STIM2: variants seen among roughly 807,000 people sequenced by gnomAD.
The protein encoded by STIM2 is stromal interaction molecule 2.
STIM2 carries 31 observed loss-of-function variants against 85.8 expected under a neutral mutation model. That is an observed-to-expected ratio of 0.36 (90% confidence interval 0.27 to 0.49). The LOEUF (loss-of-function observed/expected upper bound fraction) is 0.49, where lower values mean the gene tolerates loss of function less well. Among genes scored for constraint, STIM2 ranks in the 20% least tolerant of loss-of-function variants. The pLI is 0.98. For synonymous variants in STIM2, 356 were observed against 331.1 expected, an observed-to-expected ratio of 1.08 and a Z score of -0.82; for missense variants, 841 against 927.6, an observed-to-expected ratio of 0.91 and a Z score of 1.21.
intron 3 of STIM2, among the ~76,000 whole-genome samples, chr4:26,981,858 A>G (rs1269975861): frequency 1.3e-5 from 2 of 152,166 alleles, no homozygotes; most frequent in Non-Finnish European, 2.9e-5. Context: ...GGCACTTGGT[A>G]TCATTTGCCT....
At chr4:26,908,950 A>T (rs1447468948) in intron 1 of STIM2, among the ~76,000 whole-genome samples, 1 of 152,242 alleles carries the variant, frequency 6.6e-6, no homozygotes, top group African/African-American at 2.4e-5. Context: ...ATGTTGGCTC[A>T]TGCCTGTAAT....
At chr4:26,994,783 C>A (rs548283443) in intron 3 of STIM2, among the ~76,000 whole-genome samples, 1 of 152,044 alleles carries the variant, frequency 6.6e-6, no homozygotes, top group Non-Finnish European at 1.5e-5. Flanking sequence ...CCCATGTCTT[C>A]ACAATGGGAC....
chr4:26,861,380 G>C lies in STIM2; in HGVS notation c.151+11G>C. 1 of 1,286,448 alleles carries C rather than the reference G, an allele frequency of 7.8e-7. No homozygotes were observed. The highest frequency in any genetic ancestry group is 9.8e-7 in the Non-Finnish European group (1 of 1,020,962). The allele number at this position is 1,286,448 out of a possible 1,614,324, so 79.7% of individuals were successfully genotyped here. A position where few individuals can be genotyped will look rare whatever the true frequency, so the allele number is the denominator to read the frequency against. On this transcript the variant is annotated intron_variant, in intron 1 of 11. Transcript: ENST00000467087. ...CGGCGCTCATGACAGGTGAGGGGCC[G>C]GGGGGCGGCGGGCGGGGCTCGGCCG...
At chr4:26,950,555 C>T (rs1199963593) in intron 2 of STIM2, among the ~76,000 whole-genome samples, 1 of 152,074 alleles carries the variant, frequency 6.6e-6, no homozygotes, top group Non-Finnish European at 1.5e-5. Flanking sequence ...GGAGTGGGTG[C>T]TCTTTTATGC....
rs375630420 is a variant in STIM2 at position 27,007,619 on chromosome 4, G to A, written c.1068G>A (p.Gln356=). 1.9e-6 allele frequency: 3 copies of A among 1,608,008 alleles called. No individual in the cohort carries two copies. Among genetic ancestry groups the A allele is most frequent in the Non-Finnish European group, 2.5e-6 (3 of 1,178,074 alleles). ...CAGATGCACTTCAGAAATGGCTTCA[G>A]TTAACACATGAAGTAGAAGTGCAAT... Residue 356 remains glutamine, a synonymous_variant, in exon 8 of 12, where the codon CAG becomes CAA. Coordinates refer to ENST00000467087, the MANE Select transcript of STIM2 (RefSeq NM_020860.4).
At chr4:27,002,811 C>T in intron 6 of STIM2, 116 bp from the exon 7 acceptor site, 1 of 977,166 alleles carries the variant, frequency 1.0e-6, no homozygotes, top group Non-Finnish European at 1.4e-6. Context: ...ATGAAAAATG[C>T]TATGATTTCT....
intron 2 of STIM2, among the ~76,000 whole-genome samples, chr4:26,943,573 G>C (rs1371523047): frequency 6.6e-6 from 1 of 152,096 alleles, no homozygotes; most frequent in African/African-American, 2.4e-5. Flanking sequence ...TCTGGCCCCA[G>C]AGTTCTGCTT....
At chr4:27,000,885 T>C (rs1728128959) in intron 5 of STIM2, among the ~76,000 whole-genome samples, 1 of 152,180 alleles carries the variant, frequency 6.6e-6, no homozygotes, top group Non-Finnish European at 1.5e-5. Flanking sequence ...TATCTATTTA[T>C]TGTTATTTAT....
chr4:26,990,024 A>G (rs1376523977), intron 3 of STIM2, among the ~76,000 whole-genome samples: 1 of 152,166 alleles, frequency 6.6e-6, no homozygotes, highest in Non-Finnish European at 1.5e-5. Context: ...AAATGTCTTT[A>G]CTACCTAAAG....
At chr4:26,869,559 C>T (rs1310264850) in intron 1 of STIM2, among the ~76,000 whole-genome samples, 1 of 151,940 alleles carries the variant, frequency 6.6e-6, no homozygotes, top group African/African-American at 2.4e-5. Flanking sequence ...GATGTGGTCT[C>T]ACTCTGTTGC....
In STIM2 at chr4:27,025,256, G is replaced by T. The variant is rs923295979; in HGVS notation, c.*2260G>T. ...GTTTTGGAAAGCTACAGTAATTTCT[G>T]TATTACATCATTTATATGTGAAAAG... On this transcript the variant is annotated 3_prime_UTR_variant, in exon 12 of 12. Transcript: ENST00000467087. The T allele has an allele frequency of 2.0e-5, 3 of 151,756 alleles. No homozygotes were observed. The highest frequency in any genetic ancestry group is 7.3e-5 in the African/African-American group (3 of 41,284). The allele number at this position is 151,756 out of a possible 1,614,324, so 9.4% of individuals were successfully genotyped here. A position where few individuals can be genotyped will look rare whatever the true frequency, so the allele number is the denominator to read the frequency against.
chr4:26,891,634 C>A (rs1455746337), intron 1 of STIM2, among the ~76,000 whole-genome samples: 2 of 151,658 alleles, frequency 1.3e-5, no homozygotes, highest in Non-Finnish European at 2.9e-5. Context: ...TTCTAGAAAA[C>A]CCTGACTGAT....
chr4:26,927,754 C>T (rs1327665428), intron 2 of STIM2, among the ~76,000 whole-genome samples: 13 of 88,172 alleles, frequency 1.5e-4, no homozygotes, highest in Non-Finnish European at 2.5e-4. Context: ...CTGCTAAACC[C>T]TTAAAAAAAA....
intron 11 of STIM2, chr4:27,021,146 T>C: frequency 7.5e-7 from 1 of 1,337,320 alleles, no homozygotes; most frequent in Non-Finnish European, 1.0e-6. Context: ...CATTCATTCA[T>C]CCAACACATT....
chr4:26,907,005 T>C (rs968688088), intron 1 of STIM2, among the ~76,000 whole-genome samples: 6 of 151,458 alleles, frequency 4.0e-5, no homozygotes, highest in African/African-American at 1.5e-4. Flanking sequence ...AAACATTGCA[T>C]GTGCTTTGGT....
At chr4:27,006,153 A>G (rs189801703) in intron 7 of STIM2, among the ~76,000 whole-genome samples, 1 of 152,326 alleles carries the variant, frequency 6.6e-6, no homozygotes, top group East Asian at 1.9e-4. Flanking sequence ...ATTTGTTTGC[A>G]GTGAGTTAGT....
At chr4:26,879,410 G>A (rs1007842077) in intron 1 of STIM2, among the ~76,000 whole-genome samples, 2 of 151,790 alleles carry the variant, frequency 1.3e-5, no homozygotes, top group African/African-American at 4.8e-5. Context: ...GGTGACCTGG[G>A]ATATTATACC....
rs1728967552 is a variant in STIM2 at position 27,023,066 on chromosome 4, A to G, written c.*70A>G. On this transcript the variant is annotated 3_prime_UTR_variant, in exon 12 of 12. Transcript: ENST00000467087. ...TATTATCCCCCACCCTCCACTCCCC[A>G]CCTTTTTTTTGGTTTAATTTTAGGA... 2.1e-6 allele frequency: 3 copies of G among 1,433,086 alleles called. No homozygotes were observed. The highest frequency in any genetic ancestry group is 2.8e-6 in the Non-Finnish European group (3 of 1,062,998). The allele number at this position is 1,433,086 out of a possible 1,614,324, so 88.8% of individuals were successfully genotyped here.
At chr4:26,963,953 C>T (rs915951499) in intron 3 of STIM2, among the ~76,000 whole-genome samples, 2 of 152,148 alleles carry the variant, frequency 1.3e-5, no homozygotes, top group Non-Finnish European at 2.9e-5. Context: ...CATCTCATGT[C>T]TTAGTTCTGT....
Sources: gnomAD v4.1 joint callset for allele counts (sites outside exome capture counted in the v4.1 genomes callset) on GRCh38, gnomAD v4.1.1 for gene constraint, MANE v1.5 for transcripts, NCBI Gene and HGNC (gene_info 2026-07-23, HGNC 2026-07-21) for gene names.